Variants in LHFPL3 observed in about 807,000 individuals in gnomAD.
LHFPL3 encodes the protein LHFPL tetraspan subfamily member 3, also known as LHFPL tetraspan subfamily member 3 protein.
In LHFPL3, 5 loss-of-function variants were observed where a neutral mutation model predicts 19.3. The ratio of observed to expected loss-of-function variants is 0.26; its 90% CI spans 0.14 to 0.54. The LOEUF is 0.54. Among genes scored for constraint, LHFPL3 ranks in the 20% least tolerant of loss-of-function variants. The pLI is 0.94. For missense variants in LHFPL3, 249 were observed against 307.4 expected (o/e 0.81, Z 1.42); for synonymous variants, 133 against 126.2 (o/e 1.05, Z -0.36).
intron 2 of LHFPL3, among the ~76,000 whole-genome samples, chr7:104,770,826 T>G (rs13221774): frequency 0.13 from 20,334 of 152,252 alleles, 1,648 homozygotes; most frequent in Non-Finnish European, 0.18. Context: ...TCCTTCTGTG[T>G]TTTTGTTAAC....
At chr7:104,677,297 A>G (rs945993303) in intron 1 of LHFPL3, among the ~76,000 whole-genome samples, 1 of 151,858 alleles carries the variant, frequency 6.6e-6, no homozygotes, top group Non-Finnish European at 1.5e-5. Context: ...GGATCATTTG[A>G]GCCTCGGAGT....
chr7:104,352,224 AAATG>A (rs899832139), intron 1 of LHFPL3, among the ~76,000 whole-genome samples: 19 of 151,884 alleles, frequency 1.3e-4, no homozygotes, highest in Admixed American at 2.6e-4. Flanking sequence ...TGCAAAAAGA[AAATG>A]AATAATATAT....
In LHFPL3 at chr7:104,562,348, A is replaced by G. The variant is rs1408134192; in HGVS notation, c.446-174327A>G. ...TCAGACATAGATTTGGTCTTTTCAC[A>G]TAGTCCCATAGTTCTTGGAGGCTTT... On this transcript the variant is annotated intron_variant, in intron 1 of 2. Coordinates refer to ENST00000424859, the MANE Select transcript of LHFPL3 (RefSeq NM_199000.3). 3.3e-5 allele frequency among the ~76,000 whole-genome samples: 5 copies of G among 152,268 alleles called. No individual in the cohort carries two copies. In the East Asian group the frequency reaches 5.8e-4, roughly 18 times the overall value.
chr7:104,415,834 G>A (rs1791609979), intron 1 of LHFPL3, among the ~76,000 whole-genome samples: 1 of 152,186 alleles, frequency 6.6e-6, no homozygotes, highest in Admixed American at 6.5e-5. Context: ...AAGGGCTATA[G>A]TTGGCTACAG....
Position 104,821,042 on chromosome 7 carries a change from C to G in LHFPL3, c.682+84131C>G, listed in dbSNP as rs563340190. 2.6e-5 allele frequency among the ~76,000 whole-genome samples: 4 copies of G among 152,282 alleles called. No individual in the cohort carries two copies. The South Asian group carries it at 8.3e-4, about 32-fold the overall frequency. On this transcript the variant is annotated intron_variant, in intron 2 of 2. Coordinates refer to ENST00000424859, the MANE Select transcript of LHFPL3 (RefSeq NM_199000.3). ...AGAGGCCTGCCTCCCAAAGTCACGC[C>G]TGTACTGCTAATTTACAACATGAAA...
chr7:104,767,136 CAT>C (rs1794469187), intron 2 of LHFPL3, among the ~76,000 whole-genome samples: 1 of 152,204 alleles, frequency 6.6e-6, no homozygotes, highest in Non-Finnish European at 1.5e-5. Context: ...TGAAGAGTGA[CAT>C]TTCTCAAAGT....
At chr7:104,821,350 G>A (rs538640870) in intron 2 of LHFPL3, among the ~76,000 whole-genome samples, 17 of 152,360 alleles carry the variant, frequency 1.1e-4, no homozygotes, top group Middle Eastern at 6.8e-3. Flanking sequence ...TGCCTCTGCT[G>A]AGGAGAGGCA....
intron 1 of LHFPL3, among the ~76,000 whole-genome samples, chr7:104,710,762 CT>C (rs1793286875): frequency 6.6e-6 from 1 of 152,154 alleles, no homozygotes; most frequent in Non-Finnish European, 1.5e-5. Flanking sequence ...ATAATAAATG[CT>C]CAATAAATGT....
intron 1 of LHFPL3, among the ~76,000 whole-genome samples, chr7:104,679,764 T>C (rs1427863715): frequency 6.6e-6 from 1 of 152,136 alleles, no homozygotes; most frequent in East Asian, 1.9e-4. Flanking sequence ...AGTCAAAAAA[T>C]GCATGCTACC....
intron 2 of LHFPL3, among the ~76,000 whole-genome samples, chr7:104,888,767 T>C (rs1024106000): frequency 1.3e-5 from 2 of 152,198 alleles, no homozygotes; most frequent in Non-Finnish European, 2.9e-5. Context: ...GTGTAGGCTG[T>C]AGAAGGCAGA....
chr7:104,358,454 T>C (rs1790329164), intron 1 of LHFPL3, among the ~76,000 whole-genome samples: 1 of 152,214 alleles, frequency 6.6e-6, no homozygotes, highest in African/African-American at 2.4e-5. Flanking sequence ...TACCTTTGTT[T>C]TAGCACGGGA....
chr7:104,831,847 C>T (rs1410280662), intron 2 of LHFPL3, among the ~76,000 whole-genome samples: 2 of 151,908 alleles, frequency 1.3e-5, no homozygotes, highest in Non-Finnish European at 2.9e-5. Context: ...ATTTGAGTGA[C>T]TTTGGTTAGT....
chr7:104,462,033 G>T (rs1373679098), intron 1 of LHFPL3, among the ~76,000 whole-genome samples: 1 of 151,156 alleles, frequency 6.6e-6, no homozygotes, highest in Non-Finnish European at 1.5e-5. Flanking sequence ...TCCTGATTTG[G>T]CTCTCGGCTT....
chr7:104,528,029 G>A (rs530124595), intron 1 of LHFPL3, among the ~76,000 whole-genome samples: 9 of 152,272 alleles, frequency 5.9e-5, no homozygotes, highest in Middle Eastern at 3.4e-3. Flanking sequence ...TTGGAAATGG[G>A]TGTTCCAAAT....
intron 1 of LHFPL3, among the ~76,000 whole-genome samples, chr7:104,605,236 C>T (rs573649117): frequency 1.3e-5 from 2 of 152,126 alleles, no homozygotes; most frequent in Admixed American, 6.5e-5. Context: ...TACTTTGTTT[C>T]CTAAAGACTA....
intron 1 of LHFPL3, chr7:104,668,671 C>G: frequency 6.2e-7 from 1 of 1,610,972 alleles, no homozygotes; most frequent in Non-Finnish European, 8.5e-7. Flanking sequence ...TCGTGGAGCT[C>G]CAGAGATGAT....
At chr7:104,403,181 C>T (rs1033272633) in intron 1 of LHFPL3, among the ~76,000 whole-genome samples, 2 of 152,176 alleles carry the variant, frequency 1.3e-5, no homozygotes, top group Non-Finnish European at 2.9e-5. Flanking sequence ...TATCCCAGAA[C>T]TTAAAGTATA....
At chr7:104,821,226 C>T (rs1042740373) in intron 2 of LHFPL3, among the ~76,000 whole-genome samples, 2 of 152,144 alleles carry the variant, frequency 1.3e-5, no homozygotes, top group South Asian at 2.1e-4. Flanking sequence ...CTATGAGTGG[C>T]GAGGACATGG....
At chr7:104,621,327 A>G (rs1791442651) in intron 1 of LHFPL3, among the ~76,000 whole-genome samples, 1 of 152,180 alleles carries the variant, frequency 6.6e-6, no homozygotes, top group East Asian at 1.9e-4. Flanking sequence ...ACAGTTAATC[A>G]CTCCAGAAAC....
Sources: gnomAD v4.1 joint callset for allele counts (sites outside exome capture counted in the v4.1 genomes callset) on GRCh38, gnomAD v4.1.1 for gene constraint, MANE v1.5 for transcripts, NCBI Gene and HGNC (gene_info 2026-07-23, HGNC 2026-07-21) for gene names.